Variants in PPARA observed in about 807,000 individuals in gnomAD.
PPARA encodes the protein peroxisome proliferator-activated receptor alpha.
Under a neutral mutation model 42.2 loss-of-function variants are expected in PPARA, and 22 were observed. That is an observed-to-expected ratio of 0.52 (90% confidence interval 0.37 to 0.74). PPARA has a LOEUF of 0.74. Ranked by LOEUF, PPARA falls within the 30% of genes least tolerant of loss-of-function variation. The probability of loss-of-function intolerance (pLI) is 0.00; values close to 1 mark genes in which losing one functional copy is unlikely to be tolerated. For synonymous variants in PPARA, 242 were observed against 239.3 expected, an observed-to-expected ratio of 1.01 and a Z score of -0.10; for missense variants, 465 against 608.2, an observed-to-expected ratio of 0.76 and a Z score of 2.48.
Position 46,239,919 on chromosome 22 carries a change from T to C in PPARA, c.*4539T>C, listed in dbSNP as rs1012946706. On this transcript the variant is annotated 3_prime_UTR_variant, in exon 9 of 9. Transcript: ENST00000407236. ...TGCTACTTACCAGCCGCATACATGA[T>C]GGAGGGTTTTTTGGTCCTGATCCAG... The C allele has an allele frequency of 2.7e-6, 1 of 365,994 alleles. No homozygotes were observed. Among genetic ancestry groups the C allele is most frequent in the Non-Finnish European group, 4.9e-6 (1 of 206,118 alleles). The allele number at this position is 365,994 out of a possible 1,614,324, so 22.7% of individuals were successfully genotyped here.
At position 46,195,052 on chromosome 22, in the gene PPARA, A is replaced by G. The variant is rs1251389227; in HGVS notation, c.-42-3290A>G. On this transcript the variant is annotated intron_variant, in intron 3 of 8. Coordinates refer to ENST00000407236, the MANE Select transcript of PPARA (RefSeq NM_005036.6). This position sits in a 1 kb window ranked among gnomAD's most constrained non-coding sequence, Gnocchi z 4.6. ...TGAGTAGCTGGGATTACAGGCGCCT[A>G]CCACCACGCCCGGCTAATTTTTGTA... Among the ~76,000 whole-genome samples, 4 of 146,178 alleles carry G rather than the reference A, an allele frequency of 2.7e-5. No homozygotes were observed.
At position 46,235,329 on chromosome 22, in the gene PPARA, G is replaced by A. The variant is rs763592164; in HGVS notation, c.1356G>A (p.Ser452=). Residue 452 remains serine (S), a synonymous_variant, in exon 9 of 9, where the codon TCG becomes TCA. Transcript: ENST00000407236. This position sits in a 1 kb window ranked among gnomAD's most constrained non-coding sequence, Gnocchi z 7.0. ...QLVQIIKKTE[S]DAALHPLLQE... is the part of the protein sequence containing the mutation. ...TGCAGATCATCAAGAAGACGGAGTC[G>A]GATGCTGCGCTGCACCCGCTACTGC... 16 of 1,614,034 alleles carry A rather than the reference G, an allele frequency of 9.9e-6. No homozygotes were observed. Among genetic ancestry groups the A allele is most frequent in the East Asian group, 2.2e-5 (1 of 44,882 alleles).
intron 2 of PPARA, among the ~76,000 whole-genome samples, chr22:46,175,491 A>G (rs545949436): frequency 6.6e-6 from 1 of 151,916 alleles, no homozygotes; most frequent in South Asian, 2.1e-4. Flanking sequence ...AGGCAGGCGG[A>G]TCACGAGGTC....
chr22:46,231,700 T>C lies in PPARA; in HGVS notation c.712-92T>C. On this transcript the variant is annotated intron_variant, in intron 7 of 8. Coordinates refer to ENST00000407236, the MANE Select transcript of PPARA (RefSeq NM_005036.6). This position sits in a 1 kb window ranked among gnomAD's most constrained non-coding sequence, Gnocchi z 7.7. ...TCCTCTGAGGCACTGAGCTTGGTGA[T>C]TTGGACGCAGGAGCTGCTCATTAGT... is the stretch of plus-strand genomic sequence containing the variant. The C allele has an allele frequency of 7.5e-7, 1 of 1,340,452 alleles. No homozygotes were observed. The highest frequency in any genetic ancestry group is 1.3e-5 in the South Asian group (1 of 79,826). The allele number at this position is 1,340,452 out of a possible 1,614,324, so 83.0% of individuals were successfully genotyped here. A position where few individuals can be genotyped will look rare whatever the true frequency, so the allele number is the denominator to read the frequency against.
In PPARA at chr22:46,224,977, G is replaced by T. The variant is rs1288377429; in HGVS notation, c.711+4963G>T. On this transcript the variant is annotated intron_variant, in intron 7 of 8. Coordinates refer to ENST00000407236, the MANE Select transcript of PPARA (RefSeq NM_005036.6). This position sits in a 1 kb window ranked among gnomAD's most constrained non-coding sequence, Gnocchi z 5.7. ...CTGGAACAGGCTAGAATGCTGGGGG[G>T]GGGCCTGAAACCGGTGGGGGAGTTG... 1.3e-5 allele frequency among the ~76,000 whole-genome samples: 2 copies of T among 151,680 alleles called. No individual in the cohort carries two copies. The highest frequency in any genetic ancestry group is 1.3e-4 in the Admixed American group (2 of 15,220).
chr22:46,200,828 CA>C lies in PPARA; in HGVS notation c.208+2238del. ...AGCTACTCTACTCAGGAGGCTGAGGCAGGGAGAATTGCTTGAACCCAGGAGG... is the reference window on the plus strand; with the variant it reads ...AGCTACTCTACTCAGGAGGCTGAGGCGGGAGAATTGCTTGAACCCAGGAGG... On this transcript the variant is annotated intron_variant, in intron 4 of 8. Transcript: ENST00000407236. This position sits in a 1 kb window ranked among gnomAD's most constrained non-coding sequence, Gnocchi z 4.8. Among the ~76,000 whole-genome samples, 1 of 152,186 alleles carries C rather than the reference CA, an allele frequency of 6.6e-6. No individual in the cohort carries two copies. The highest frequency in any genetic ancestry group is 1.9e-4 in the East Asian group (1 of 5,164).
At position 46,163,051 on chromosome 22, in the gene PPARA, G is replaced by A. The variant is rs1926452746; in HGVS notation, c.-127+11081G>A. On this transcript the variant is annotated intron_variant, in intron 2 of 8. Transcript: ENST00000407236. This position sits in a 1 kb window ranked among gnomAD's most constrained non-coding sequence, Gnocchi z 4.9. ...TAACTGGCAGACTCCCAGCTTCAAG[G>A]AGAGGCACGGAGGGAAACTGAGAGC... Among the ~76,000 whole-genome samples the A allele has an allele frequency of 6.6e-6, 1 of 152,196 alleles. No homozygotes were observed. The highest frequency in any genetic ancestry group is 1.5e-5 in the Non-Finnish European group (1 of 68,046).
At position 46,150,546 on chromosome 22, in the gene PPARA, GC is replaced by G. The variant is rs1269654264; in HGVS notation, c.-315del. 6.9e-6 allele frequency: 1 copy of G among 145,962 alleles called. No individual in the cohort carries two copies. The highest frequency in any genetic ancestry group is 1.5e-5 in the Non-Finnish European group (1 of 65,572). 9.0% of individuals were successfully genotyped at this position (145,962 alleles called of 1,614,324 possible). On this transcript the variant is annotated 5_prime_UTR_variant, in exon 1 of 9. Transcript: ENST00000407236. The surrounding 1 kb of genome is among the most constrained non-coding windows in gnomAD (Gnocchi z 7.5). ...GGGCCGTGGACGCGGCGGCCCCGCGGCGGGGGCAGCGGGCGGCGGGGGCGGA... is the reference window on the plus strand; with the variant it reads ...GGGCCGTGGACGCGGCGGCCCCGCGGGGGGGCAGCGGGCGGCGGGGGCGGA...
At position 46,206,993 on chromosome 22, in the gene PPARA, C is replaced by T. The variant is rs572364640; in HGVS notation, c.209-8180C>T. Among the ~76,000 whole-genome samples the T allele has an allele frequency of 4.5e-4, 68 of 152,106 alleles. 1 individual carries two copies. Among genetic ancestry groups the T allele is most frequent in the African/African-American group, 1.4e-3 (58 of 41,516 alleles). ...ATCCGAGCACTTTGGGAGGCCGAGG[C>T]GGGTGGATCACCTGAGGTCAGGAGT... On this transcript the variant is annotated intron_variant, in intron 4 of 8. Transcript: ENST00000407236.
chr22:46,220,360 G>C, intron 7 of PPARA: 2 of 353,376 alleles, frequency 5.7e-6, no homozygotes, highest in South Asian at 4.6e-5. Flanking sequence ...TGTTGCCCAG[G>C]CTGGAATGCA....
intron 7 of PPARA, 72 bp downstream of exon 7, chr22:46,220,086 C>T (rs1934878680): frequency 6.6e-7 from 1 of 1,514,206 alleles, no homozygotes; most frequent in African/African-American, 1.4e-5. Flanking sequence ...ATTAAGGACA[C>T]ATGTGTTGAA....
chr22:46,232,937 A>ACGCCAC lies in PPARA; in HGVS notation c.1159+700_1159+705dup, dbSNP rs1935977374. Among the ~76,000 whole-genome samples, 1 of 147,754 alleles carries ACGCCAC rather than the reference A, an allele frequency of 6.8e-6. No homozygotes were observed. Among genetic ancestry groups the ACGCCAC allele is most frequent in the South Asian group, 2.1e-4 (1 of 4,676 alleles). On this transcript the variant is annotated intron_variant, in intron 8 of 8. Coordinates refer to ENST00000407236, the MANE Select transcript of PPARA (RefSeq NM_005036.6). The surrounding 1 kb of genome is among the most constrained non-coding windows in gnomAD (Gnocchi z 5.3). ...ACAAAGGTTGCAGTGAGCCAAGGTC[A>ACGCCAC]CGCCACCACACTCCAGCCTGGGCGA... is the stretch of plus-strand genomic sequence containing the variant.
intron 4 of PPARA, among the ~76,000 whole-genome samples, chr22:46,207,307 A>C (rs1427007783): frequency 7.7e-6 from 1 of 130,362 alleles, no homozygotes. Flanking sequence ...TTTGAGACAG[A>C]GTCTCGCTCT....
rs914505734 is a variant in PPARA at position 46,222,657 on chromosome 22, T to A, written c.711+2643T>A. On this transcript the variant is annotated intron_variant, in intron 7 of 8. Coordinates refer to ENST00000407236, the MANE Select transcript of PPARA (RefSeq NM_005036.6). The surrounding 1 kb of genome is among the most constrained non-coding windows in gnomAD (Gnocchi z 5.9). ...CTTCGAGTCTCTATCCTGGATATGA[T>A]TAGTACAGCCCAAAATTGGGATGGC... Among the ~76,000 whole-genome samples the A allele has an allele frequency of 1.3e-5, 2 of 152,176 alleles. No homozygotes were observed. The highest frequency in any genetic ancestry group is 4.8e-5 in the African/African-American group (2 of 41,436).
chr22:46,173,985 G>A lies in PPARA; in HGVS notation c.-126-2768G>A, dbSNP rs1002297854. ...TTTGGGAGGCCGAGGTGGGTGGATT[G>A]TGAGGTCAGGAGATCGAGACCCTCT... On this transcript the variant is annotated intron_variant, in intron 2 of 8. Transcript: ENST00000407236. This position sits in a 1 kb window ranked among gnomAD's most constrained non-coding sequence, Gnocchi z 4.3. Among the ~76,000 whole-genome samples, 1 of 105,586 alleles carries A rather than the reference G, an allele frequency of 9.5e-6. No individual in the cohort carries two copies. Among genetic ancestry groups the A allele is most frequent in the African/African-American group, 4.9e-5 (1 of 20,472 alleles). The allele number at this position is 105,586 out of a possible 152,430, so 69.3% of individuals were successfully genotyped here.
In PPARA at chr22:46,219,817, C is replaced by T. The variant is rs1389815337; in HGVS notation, c.514C>T (p.Arg172Cys). 3.7e-6 allele frequency: 6 copies of T among 1,614,002 alleles called. No individual in the cohort carries two copies. The highest frequency in any genetic ancestry group is 1.7e-5 in the Admixed American group (1 of 60,000). The stretch of plus-strand genomic sequence containing the variant: ...TTTCCCCCTCCAAACCCTAGCGATT[C>T]GTTTTGGACGAATGCCAAGATCTGA... ...LSVGMSHNAI[R>C]FGRMPRSEKA... Residue 172 changes from arginine to cysteine, a missense_variant, in exon 7 of 9, where the codon CGT (arginine) becomes TGT (cysteine). Physicochemically the swap from Arg to Cys is radical, Grantham distance 180. Transcript: ENST00000407236. This position sits in a 1 kb window ranked among gnomAD's most constrained non-coding sequence, Gnocchi z 4.8.
chr22:46,237,207 GA>G lies in PPARA; in HGVS notation c.*1828del, dbSNP rs1936244970. 1 of 152,212 alleles carries G rather than the reference GA, an allele frequency of 6.6e-6. No homozygotes were observed. The highest frequency in any genetic ancestry group is 6.5e-5 in the Admixed American group (1 of 15,286). 9.4% of individuals were successfully genotyped at this position (152,212 alleles called of 1,614,324 possible). ...CATGACCAGCATTATGAAAATGCGA[GA>G]GTGGGAAGGACACAGTGTGAGACTT... On this transcript the variant is annotated 3_prime_UTR_variant, in exon 9 of 9. Transcript: ENST00000407236. The surrounding 1 kb of genome is among the most constrained non-coding windows in gnomAD (Gnocchi z 6.7).
At position 46,235,129 on chromosome 22, in the gene PPARA, C is replaced by A. The variant is rs1294520839; in HGVS notation, c.1160-4C>A. 1 of 1,613,970 alleles carries A rather than the reference C, an allele frequency of 6.2e-7. No individual in the cohort carries two copies. On this transcript the variant is annotated splice_region_variant and splice_polypyrimidine_tract_variant and intron_variant, in intron 8 of 8. Transcript: ENST00000407236. The surrounding 1 kb of genome is among the most constrained non-coding windows in gnomAD (Gnocchi z 7.0). ...CAAACCTCTCTCTCTTCTTTCGAGA[C>A]TAGATCGTCCTGGCCTTCTAAACGT...
rs1932991336 is a variant in PPARA at position 46,203,898 on chromosome 22, C to A, written c.208+5307C>A. Reference sequence around the variant, plus strand: ...AGGTAAACACTTGTGGGGCAGGTTGCAGATTCTCTGGGGACGCCCCCCTTC... The same window carrying A: ...AGGTAAACACTTGTGGGGCAGGTTGAAGATTCTCTGGGGACGCCCCCCTTC... On this transcript the variant is annotated intron_variant, in intron 4 of 8. Coordinates refer to ENST00000407236, the MANE Select transcript of PPARA (RefSeq NM_005036.6). This position sits in a 1 kb window ranked among gnomAD's most constrained non-coding sequence, Gnocchi z 5.8. Among the ~76,000 whole-genome samples, 1 of 152,254 alleles carries A rather than the reference C, an allele frequency of 6.6e-6. No individual in the cohort carries two copies. The highest frequency in any genetic ancestry group is 6.5e-5 in the Admixed American group (1 of 15,290).
Sources: allele counts gnomAD v4.1 joint callset (sites outside exome capture counted in the v4.1 genomes callset), GRCh38; gene constraint gnomAD v4.1.1; non-coding constraint Gnocchi (gnomAD v3.1); transcripts MANE v1.5; gene names NCBI Gene and HGNC (gene_info 2026-07-23, HGNC 2026-07-21).